Variants in ABLIM1 observed in about 807,000 individuals in gnomAD.
The protein encoded by ABLIM1 is actin-binding LIM protein 1.
Under a neutral mutation model 107.0 loss-of-function variants are expected in ABLIM1, and 40 were observed. That is an observed-to-expected ratio of 0.37 (90% confidence interval 0.29 to 0.49). The LOEUF is 0.49. Among genes scored for constraint, ABLIM1 ranks in the 20% least tolerant of loss-of-function variants. The pLI, the probability that ABLIM1 is intolerant of heterozygous loss-of-function variation, is 0.97. For missense variants in ABLIM1, 857 were observed against 1,008.5 expected (o/e 0.85, Z 2.04); for synonymous variants, 357 against 357.3 (o/e 1.00, Z 0.01).
At chr10:114,617,325 G>A (rs983096313) in intron 1 of ABLIM1, among the ~76,000 whole-genome samples, 3 of 147,798 alleles carry the variant, frequency 2.0e-5, no homozygotes, top group East Asian at 2.0e-4. Flanking sequence ...GCAATGGCGC[G>A]ATCTTGGCTC....
chr10:114,525,553 C>A (rs539945811), intron 6 of ABLIM1, among the ~76,000 whole-genome samples: 1 of 152,356 alleles, frequency 6.6e-6, no homozygotes, highest in South Asian at 2.1e-4. Context: ...TACCAATGAG[C>A]CGTGGCAAAT....
chr10:114,459,000 G>A (rs895862928), intron 12 of ABLIM1, among the ~76,000 whole-genome samples: 3 of 152,256 alleles, frequency 2.0e-5, no homozygotes, highest in Non-Finnish European at 4.4e-5. Flanking sequence ...TATGGAAAAT[G>A]AATGGGGAAG....
chr10:114,462,388 C>T (rs563814126), intron 12 of ABLIM1, among the ~76,000 whole-genome samples: 1 of 152,058 alleles, frequency 6.6e-6, no homozygotes, highest in Non-Finnish European at 1.5e-5. Context: ...TGTGGAGAGT[C>T]CCAACTGAGG....
chr10:114,638,897 T>C (rs2078608690), intron 1 of ABLIM1, among the ~76,000 whole-genome samples: 1 of 152,318 alleles, frequency 6.6e-6, no homozygotes, highest in South Asian at 2.1e-4. Context: ...GGGAAGATAA[T>C]GTACCCAGAC....
rs202179067 is a variant in ABLIM1, at chr10:114,603,415, T to G, written c.245-1454A>C. 1.6e-4 allele frequency among the ~76,000 whole-genome samples: 25 copies of G among 151,970 alleles called. No homozygotes were observed. In the East Asian group the frequency reaches 4.8e-3, roughly 29 times the overall value. On this transcript the variant is annotated intron_variant, in intron 1 of 22. Transcript: ENST00000533213. ...TTCAGGTTGAACACCTGATCTGTGT[T>G]CTCTGCAAGGGACCCTGGGAATGGC...
chr10:114,468,521 C>A (rs1279098488), intron 10 of ABLIM1, among the ~76,000 whole-genome samples: 2 of 151,990 alleles, frequency 1.3e-5, no homozygotes, highest in Non-Finnish European at 2.9e-5. Flanking sequence ...TGATCCGCCC[C>A]CCTTAGCCTC....
rs540712204 is a variant in ABLIM1 at position 114,521,794 on chromosome 10, T to C, written c.894+23211A>G. Among the ~76,000 whole-genome samples the C allele has an allele frequency of 1.1e-4, 17 of 152,270 alleles. No individual in the cohort carries two copies. The East Asian group carries it at 2.5e-3, about 22-fold the overall frequency. Reference sequence around the variant, plus strand: ...TTAGTTTCGGGGATATGATAGTACCTGTCATAAGCATACATTCTTGCAATG... The same window carrying C: ...TTAGTTTCGGGGATATGATAGTACCCGTCATAAGCATACATTCTTGCAATG... On this transcript the variant is annotated intron_variant, in intron 6 of 22. Coordinates refer to ENST00000533213, the MANE Select transcript of ABLIM1 (RefSeq NM_002313.7).
chr10:114,468,548 ACAGGCGTGAGC>A (rs1365491383), intron 10 of ABLIM1, among the ~76,000 whole-genome samples: 3 of 151,824 alleles, frequency 2.0e-5, no homozygotes, highest in Admixed American at 1.3e-4. Context: ...TTTTGGGATT[ACAGGCGTGAGC>A]CACCGCGCCT....
the ABLIM1 span, among the ~76,000 whole-genome samples, chr10:114,800,777 C>T: frequency 1.8e-4 from 28 of 152,148 alleles, 1 homozygote; most frequent in East Asian, 3.3e-3. Context: ...CCAGGCATGG[C>T]GCATGCCTGT....
chr10:114,751,770 A>G (rs969862260), intron 1 of ABLIM1, among the ~76,000 whole-genome samples: 6 of 150,354 alleles, frequency 4.0e-5, no homozygotes, highest in Non-Finnish European at 8.9e-5. Flanking sequence ...AAAAGGAAAG[A>G]AAAAAAAAGG....
chr10:114,737,274 T>G (rs191048934), intron 1 of ABLIM1, among the ~76,000 whole-genome samples: 5 of 152,226 alleles, frequency 3.3e-5, no homozygotes, highest in Admixed American at 2.0e-4. Flanking sequence ...CAGTGAGCAC[T>G]CCAGCCTGGG....
rs546186942 is a variant in ABLIM1, at chr10:114,551,709, C to T, written c.674-3933G>A. Among the ~76,000 whole-genome samples, 18 of 152,336 alleles carry T rather than the reference C, an allele frequency of 1.2e-4. No individual in the cohort carries two copies. The South Asian group carries it at 3.7e-3, about 32-fold the overall frequency. ...CGCCTTAGGCTCCCAGTCTCTAGACCCTATTTTCCTGCCTCACCACTATGA... is the reference window on the plus strand; with the variant it reads ...CGCCTTAGGCTCCCAGTCTCTAGACTCTATTTTCCTGCCTCACCACTATGA... On this transcript the variant is annotated intron_variant, in intron 4 of 22. Coordinates refer to ENST00000533213, the MANE Select transcript of ABLIM1 (RefSeq NM_002313.7).
chr10:114,706,892 G>A (rs1247945008), intron 1 of ABLIM1, among the ~76,000 whole-genome samples: 1 of 151,656 alleles, frequency 6.6e-6, no homozygotes, highest in African/African-American at 2.4e-5. Flanking sequence ...CAGTCCTAAA[G>A]AACATGAAAA....
chr10:114,718,152 A>G lies in ABLIM1; in HGVS notation c.-213+49909T>C, dbSNP rs1013697368. On this transcript the variant is annotated intron_variant, in intron 1 of 15. Coordinates refer to the ABLIM1 transcript ENST00000651092. ...AAGAAAAGAAAGAAAGAAAGAGAAA[A>G]AAAGAAAAAGAAAGAAAGGCAGGCA... Among the ~76,000 whole-genome samples the G allele has an allele frequency of 1.2e-4, 18 of 151,912 alleles. No individual in the cohort carries two copies. The East Asian group carries it at 2.5e-3, about 21-fold the overall frequency.
At chr10:114,521,007 T>C (rs1038204740) in intron 6 of ABLIM1, among the ~76,000 whole-genome samples, 1 of 152,130 alleles carries the variant, frequency 6.6e-6, no homozygotes. Context: ...TGACTTAAGA[T>C]ACAGCAGCTA....
At chr10:114,580,865 C>T (rs769686356) in intron 2 of ABLIM1, among the ~76,000 whole-genome samples, 3 of 152,096 alleles carry the variant, frequency 2.0e-5, no homozygotes, top group Non-Finnish European at 4.4e-5. Context: ...CTCCATTAGT[C>T]GTTAGCTGAC....
chr10:114,676,357 A>G (rs549160164), intron 1 of ABLIM1, among the ~76,000 whole-genome samples: 41 of 152,108 alleles, frequency 2.7e-4, no homozygotes, highest in Middle Eastern at 6.8e-3. Context: ...CGTGACTGTA[A>G]TCCCAGCTAC....
chr10:114,777,305 ATT>A, the ABLIM1 span, among the ~76,000 whole-genome samples: 1 of 151,814 alleles, frequency 6.6e-6, no homozygotes, highest in Non-Finnish European at 1.5e-5. Flanking sequence ...CCTCTGTTGA[ATT>A]TCTCTCTCTT....
intron 1 of ABLIM1, chr10:114,632,853 C>A: frequency 1.1e-6 from 1 of 912,658 alleles, no homozygotes; most frequent in Non-Finnish European, 1.3e-6. Context: ...CGGTCCACCA[C>A]CAGGATCAGC....
Sources: gnomAD v4.1 joint callset for allele counts (sites outside exome capture counted in the v4.1 genomes callset) on GRCh38, gnomAD v4.1.1 for gene constraint, MANE v1.5 for transcripts, NCBI Gene and HGNC (gene_info 2026-07-23, HGNC 2026-07-21) for gene names.